The following USP40 variants were observed in gnomAD, a reference collection of about 807,000 sequenced individuals.
The protein encoded by USP40 is ubiquitin specific peptidase 40, also known as ubiquitin carboxyl-terminal hydrolase 40.
Under a neutral mutation model 166.2 loss-of-function variants are expected in USP40, and 143 were observed. That is an observed-to-expected ratio of 0.86 (90% CI 0.75 to 0.99). The LOEUF (loss-of-function observed/expected upper bound fraction) is 0.99. Ranked by LOEUF, USP40 falls within the 50% of genes least tolerant of loss-of-function variation. The pLI is 0.00. For missense variants in USP40, 1,444 were observed against 1,479.7 expected, an observed-to-expected ratio of 0.98 and a Z score of 0.40; for synonymous variants, 498 against 524.0, an observed-to-expected ratio of 0.95 and a Z score of 0.68.
intron 5 of USP40, among the ~76,000 whole-genome samples, chr2:233,555,041 A>C (rs2070935489): frequency 6.6e-6 from 1 of 152,162 alleles, no homozygotes; most frequent in South Asian, 2.1e-4. Context: ...AATACAAAAA[A>C]AATTAGCTGG....
intron 26 of USP40, 51 bp from the exon 27 acceptor site, chr2:233,489,534 A>G: frequency 6.9e-7 from 1 of 1,457,974 alleles, no homozygotes; most frequent in Admixed American, 2.3e-5. Flanking sequence ...GCACTCTTCA[A>G]AACATACTGT....
At chr2:233,556,688 T>G (rs2071127463) in intron 5 of USP40, 167 bp downstream of exon 5, 1 of 511,946 alleles carries the variant, frequency 2.0e-6, no homozygotes, top group Non-Finnish European at 3.1e-6. Flanking sequence ...CATGGAGAAA[T>G]CTGGATTATA....
intron 18 of USP40, among the ~76,000 whole-genome samples, chr2:233,515,508 G>A (rs2067128686): frequency 1.3e-5 from 2 of 151,316 alleles, no homozygotes; most frequent in South Asian, 2.1e-4. Flanking sequence ...TCATAGGTAC[G>A]TCTTCTTTTG....
intron 30 of USP40, among the ~76,000 whole-genome samples, chr2:233,484,442 T>G (rs1168295747): frequency 6.6e-6 from 1 of 152,132 alleles, no homozygotes; most frequent in East Asian, 1.9e-4. Flanking sequence ...CTATCAGATC[T>G]AATCATTTAT....
At chr2:233,548,311 C>T (rs1188326054) in intron 8 of USP40, among the ~76,000 whole-genome samples, 1 of 152,148 alleles carries the variant, frequency 6.6e-6, no homozygotes, top group African/African-American at 2.4e-5. Flanking sequence ...AAAATTCACC[C>T]TGGTTTTAAA....
chr2:233,479,741 G>C (rs1468771406), intron 31 of USP40, among the ~76,000 whole-genome samples: 1 of 151,878 alleles, frequency 6.6e-6, no homozygotes. Context: ...AGGGCACCAG[G>C]ACCTGAGGGC....
intron 24 of USP40, among the ~76,000 whole-genome samples, chr2:233,494,943 T>TACACATAAAAA (rs2065614883): frequency 5.3e-5 from 2 of 37,704 alleles, no homozygotes; most frequent in African/African-American, 3.3e-4. Context: ...TATATATATA[T>TACACATAAAAA]ATATATATAT....
chr2:233,508,918 C>T (rs111712352), intron 21 of USP40, among the ~76,000 whole-genome samples: 2,948 of 152,252 alleles, frequency 0.019, 49 homozygotes, highest in Non-Finnish European at 0.032. Context: ...TTCAAATTGT[C>T]TCATCTTTGA....
intron 18 of USP40, among the ~76,000 whole-genome samples, chr2:233,515,095 G>C (rs1029674295): frequency 6.6e-6 from 1 of 152,220 alleles, no homozygotes; most frequent in Non-Finnish European, 1.5e-5. Flanking sequence ...GCAGTGCCTT[G>C]CTCTTCAGTG....
rs774289300 is a variant in USP40 at position 233,527,542 on chromosome 2, C to A, written c.1590G>T (p.Leu530Phe). Residue 530 changes from leucine (L) to phenylalanine (F), a missense_variant, in exon 13 of 32, where the codon TTG becomes TTT. Leu to Phe is a conservative substitution (Grantham distance 22). Coordinates refer to ENST00000678225, the MANE Select transcript of USP40 (RefSeq NM_001365479.2). ...ECDSANNTFE[L>F]HLHLGPQYHF... ...GATACTGAGGGCCCAGGTGAAGATGCAATTCAAAAGTATTGTTTGCAGAAT... is the reference window on the plus strand; with the variant it reads ...GATACTGAGGGCCCAGGTGAAGATGAAATTCAAAAGTATTGTTTGCAGAAT... 1.9e-6 allele frequency: 3 copies of A among 1,612,006 alleles called. No homozygotes were observed. The highest frequency in any genetic ancestry group is 2.5e-6 in the Non-Finnish European group (3 of 1,179,276).
Position 233,491,121 on chromosome 2 carries a change from A to G in USP40, c.3012+46T>C, listed in dbSNP as rs765354237. The G allele has an allele frequency of 1.2e-5, 15 of 1,291,002 alleles. 1 individual carries two copies. The Admixed American group carries it at 2.9e-4, about 25-fold the overall frequency. 80.0% of individuals were successfully genotyped at this position (1,291,002 alleles called of 1,614,324 possible). ...GAAGAATATATTAATATCTCACTGG[A>G]AGAAGCCACATTACCACTAAGTTAT... is the stretch of plus-strand genomic sequence containing the variant. On this transcript the variant is annotated intron_variant, in intron 26 of 31. Transcript: ENST00000678225.
intron 4 of USP40, among the ~76,000 whole-genome samples, chr2:233,559,051 C>T (rs143974222): frequency 6.6e-6 from 1 of 152,164 alleles, no homozygotes; most frequent in African/African-American, 2.4e-5. Flanking sequence ...TTGCCTATAC[C>T]TGTCTTTGCA....
chr2:233,543,870 G>A (rs549408585), intron 8 of USP40, among the ~76,000 whole-genome samples: 1 of 152,314 alleles, frequency 6.6e-6, no homozygotes, highest in Admixed American at 6.5e-5. Flanking sequence ...GCCCATACAG[G>A]GCAGAGTTGG....
At chr2:233,510,397 T>C (rs1355806368) in intron 20 of USP40, among the ~76,000 whole-genome samples, 1 of 130,328 alleles carries the variant, frequency 7.7e-6, no homozygotes, top group Non-Finnish European at 1.6e-5. Flanking sequence ...TCTTTCTTTT[T>C]TTTTTTTTTT....
intron 18 of USP40, among the ~76,000 whole-genome samples, chr2:233,516,975 C>G (rs2125188137): frequency 6.6e-6 from 1 of 151,892 alleles, no homozygotes; most frequent in East Asian, 1.9e-4. Flanking sequence ...TTTTAGTGTA[C>G]AGGTCTTGCA....
chr2:233,494,979 T>TATATATATATATATAC (rs1197969295), intron 24 of USP40, among the ~76,000 whole-genome samples: 2 of 74,932 alleles, frequency 2.7e-5, no homozygotes, highest in African/African-American at 1.3e-4. Flanking sequence ...TATATATATA[T>TATATATATATATATAC]ACACACACAT....
At chr2:233,528,697 G>C (rs1050121922) in intron 12 of USP40, among the ~76,000 whole-genome samples, 1 of 151,664 alleles carries the variant, frequency 6.6e-6, no homozygotes, top group Non-Finnish European at 1.5e-5. Context: ...TTCTTTGCTC[G>C]TGTCATTCAC....
intron 5 of USP40, among the ~76,000 whole-genome samples, chr2:233,554,964 G>T (rs2070926112): frequency 6.6e-6 from 1 of 151,972 alleles, no homozygotes; most frequent in Admixed American, 6.6e-5. Context: ...ATATACTAAA[G>T]AAGTTATAAG....
chr2:233,498,252 G>A (rs1282590125), intron 23 of USP40, among the ~76,000 whole-genome samples: 7 of 152,164 alleles, frequency 4.6e-5, no homozygotes, highest in African/African-American at 1.7e-4. Flanking sequence ...ATTCCTTCAT[G>A]AGCTCAAATG....
Sources: gnomAD v4.1 joint callset for allele counts (sites outside exome capture counted in the v4.1 genomes callset) on GRCh38, gnomAD v4.1.1 for gene constraint, MANE v1.5 for transcripts, NCBI Gene and HGNC (gene_info 2026-07-23, HGNC 2026-07-21) for gene names.